Variants in ACSM1 observed in about 807,000 individuals in gnomAD.
ACSM1 encodes the protein acyl-CoA synthetase medium chain family member 1.
ACSM1 carries 79 observed loss-of-function variants against 75.8 expected under a neutral mutation model. That is an observed-to-expected ratio of 1.04 (90% CI 0.87 to 1.26). The LOEUF (loss-of-function observed/expected upper bound fraction) is 1.26. ACSM1 is among the 50% of genes most tolerant of loss of function. ACSM1 has a pLI of 0.00. For synonymous variants in ACSM1, 279 were observed against 265.8 expected (o/e 1.05, Z -0.48); for missense variants, 676 against 720.1 (o/e 0.94, Z 0.70).
chr16:20,637,087 A>G (rs1287411926), intron 9 of ACSM1: 2 of 753,192 alleles, frequency 2.7e-6, no homozygotes, highest in Non-Finnish European at 4.8e-6. Context: ...GTGATCAAAA[A>G]AAATGAAAAG....
intron 10 of ACSM1, among the ~76,000 whole-genome samples, chr16:20,629,122 A>T (rs550607356): frequency 6.6e-6 from 1 of 152,332 alleles, no homozygotes; most frequent in African/African-American, 2.4e-5. Flanking sequence ...GCTTCCAATG[A>T]GAATAGGATT....
intron 9 of ACSM1, chr16:20,637,091 T>C: frequency 1.3e-6 from 1 of 752,224 alleles, no homozygotes; most frequent in Non-Finnish European, 2.4e-6. Context: ...TCAAAAAAAA[T>C]GAAAAGCACC....
At position 20,691,093 on chromosome 16, in the gene ACSM1, T is replaced by C; in HGVS notation, c.96A>G (p.Leu32=). 1.2e-6 allele frequency: 2 copies of C among 1,613,754 alleles called. No homozygotes were observed. Among genetic ancestry groups the C allele is most frequent in the Non-Finnish European group, 1.7e-6 (2 of 1,179,856 alleles). The change falls in exon 2 of 14, where the codon TTA becomes TTG. Residue 32 remains leucine, a synonymous_variant. Transcript: ENST00000520010. ...TCCATCTTGGGGCTCCAAATTCTGA[T>C]AAAGACCGGCAGCGCAGCTGTGAAG... ...PAPSQLRCRS[L]SEFGAPRWND...
intron 8 of ACSM1, 75 bp from the exon 9 acceptor site, chr16:20,637,526 A>G (rs1329256020): frequency 5.0e-5 from 62 of 1,231,564 alleles, no homozygotes; most frequent in Admixed American, 1.2e-4. Context: ...AATCATACAC[A>G]GCATCCTCTG....
chr16:20,664,842 C>T (rs1420223774), intron 6 of ACSM1, among the ~76,000 whole-genome samples: 6 of 152,018 alleles, frequency 3.9e-5, no homozygotes, highest in African/African-American at 1.4e-4. Context: ...AAATCAATGT[C>T]AACAAGATCA....
intron 10 of ACSM1, among the ~76,000 whole-genome samples, chr16:20,633,461 A>G (rs1338761247): frequency 2.0e-5 from 3 of 152,218 alleles, no homozygotes; most frequent in Non-Finnish European, 4.4e-5. Context: ...ACTCATAATA[A>G]ATTTAATCAG....
At chr16:20,690,217 AG>A (rs1367438269) in intron 2 of ACSM1, among the ~76,000 whole-genome samples, 1 of 152,178 alleles carries the variant, frequency 6.6e-6, no homozygotes, top group Non-Finnish European at 1.5e-5. Context: ...ATTCCATCTC[AG>A]GGGGATTCTC....
At position 20,638,273 on chromosome 16, in the gene ACSM1, C is replaced by G. The variant is rs190988691; in HGVS notation, c.1117-822G>C. Among the ~76,000 whole-genome samples the G allele has an allele frequency of 5.2e-4, 79 of 152,302 alleles. No individual in the cohort carries two copies. In the East Asian group the frequency reaches 0.01, roughly 20 times the overall value. On this transcript the variant is annotated intron_variant, in intron 8 of 13. Coordinates refer to ENST00000520010, the MANE Select transcript of ACSM1 (RefSeq NM_001318890.3). Reference sequence around the variant, plus strand: ...GCTTGTAAGCATATGGAAAATTCTGCATAATACAAGGCACACACCACGTGT... The same window carrying G: ...GCTTGTAAGCATATGGAAAATTCTGGATAATACAAGGCACACACCACGTGT...
intron 11 of ACSM1, 141 bp from the exon 12 acceptor site, chr16:20,625,663 A>G (rs536220918): frequency 1.5e-6 from 1 of 676,472 alleles, no homozygotes; most frequent in Non-Finnish European, 2.5e-6. Flanking sequence ...TGTCTGTGTC[A>G]TGGGCCCAAA....
rs897451124 is a variant in ACSM1, at chr16:20,640,675, T to C, written c.993-91A>G. The stretch of plus-strand genomic sequence containing the variant: ...AGTCTGTCACCCAGATCATTCATCC[T>C]TCTAGTTCCTCACTTTCTTATTTAC... On this transcript the variant is annotated intron_variant, in intron 7 of 13. Transcript: ENST00000520010. The C allele has an allele frequency of 6.4e-6, 10 of 1,566,114 alleles. No individual in the cohort carries two copies. In the African/African-American group the frequency reaches 1.2e-4, roughly 19 times the overall value.
intron 8 of ACSM1, among the ~76,000 whole-genome samples, chr16:20,638,794 T>G (rs926454182): frequency 3.9e-5 from 6 of 152,186 alleles, no homozygotes; most frequent in Non-Finnish European, 8.8e-5. Context: ...ACTGTAGGCA[T>G]GTGAAAAACG....
chr16:20,688,710 C>G (rs2079598629), intron 2 of ACSM1, among the ~76,000 whole-genome samples: 1 of 151,890 alleles, frequency 6.6e-6, no homozygotes, highest in South Asian at 2.1e-4. Flanking sequence ...AGGGTATTCC[C>G]AGATAAACAA....
At chr16:20,690,639 C>T (rs1255025259) in intron 2 of ACSM1, among the ~76,000 whole-genome samples, 1 of 152,222 alleles carries the variant, frequency 6.6e-6, no homozygotes, top group African/African-American at 2.4e-5. Flanking sequence ...CCAGTTAAGA[C>T]ACATTGTCCC....
rs756488784 is a variant in ACSM1, at chr16:20,691,079, G to C, written c.110C>G (p.Ala37Gly). The C allele has an allele frequency of 1.2e-6, 2 of 1,613,684 alleles. No homozygotes were observed. The highest frequency in any genetic ancestry group is 1.1e-5 in the South Asian group (1 of 90,982). ...TACTTCATAGTCATTCCATCTTGGG[G>C]CTCCAAATTCTGATAAAGACCGGCA... is the stretch of plus-strand genomic sequence containing the variant. ...LRCRSLSEFG[A>G]PRWNDYEVPE... The change falls in exon 2 of 14, where the codon GCC becomes GGC. Residue 37 changes from alanine (A) to glycine (G), a missense_variant. By Grantham distance (60) the Ala-to-Gly change is moderately conservative (BLOSUM62 0). Coordinates refer to ENST00000520010, the MANE Select transcript of ACSM1 (RefSeq NM_001318890.3).
At chr16:20,647,141 CAGT>C (rs2018412096) in intron 7 of ACSM1, among the ~76,000 whole-genome samples, 1 of 152,182 alleles carries the variant, frequency 6.6e-6, no homozygotes, top group Non-Finnish European at 1.5e-5. Flanking sequence ...GCTTCTGTTT[CAGT>C]AGATTTACTA....
intron 1 of ACSM1, 49 bp from the exon 2 acceptor site, chr16:20,691,288 C>T: frequency 2.8e-6 from 3 of 1,053,122 alleles, no homozygotes; most frequent in South Asian, 1.9e-5. Flanking sequence ...AAACTTTCTC[C>T]CTAAATTGGG....
chr16:20,639,091 A>T (rs1404142929), intron 8 of ACSM1, among the ~76,000 whole-genome samples: 1 of 152,196 alleles, frequency 6.6e-6, no homozygotes, highest in Non-Finnish European at 1.5e-5. Context: ...GATAGCAGTC[A>T]TCCTTTATGT....
At chr16:20,663,159 G>A (rs2019383729) in intron 6 of ACSM1, among the ~76,000 whole-genome samples, 1 of 152,118 alleles carries the variant, frequency 6.6e-6, no homozygotes, top group Non-Finnish European at 1.5e-5. Context: ...GTGGCCTCTG[G>A]AATGTGCACA....
At chr16:20,657,736 T>A (rs180033) in intron 7 of ACSM1, among the ~76,000 whole-genome samples, 2 of 151,576 alleles carry the variant, frequency 1.3e-5, no homozygotes, top group South Asian at 2.1e-4. Flanking sequence ...TAGGTATATC[T>A]CCTAATGTTA....
Sources: allele counts gnomAD v4.1 joint callset (sites outside exome capture counted in the v4.1 genomes callset), GRCh38; gene constraint gnomAD v4.1.1; transcripts MANE v1.5; gene names NCBI Gene and HGNC (gene_info 2026-07-23, HGNC 2026-07-21).